The following SLC44A3 variants were observed in gnomAD, a reference collection of about 807,000 sequenced individuals.
SLC44A3 encodes the protein choline transporter-like protein 3.
SLC44A3 carries 74 observed loss-of-function variants against 75.4 expected under a neutral mutation model. That is an observed-to-expected ratio of 0.98 (90% confidence interval 0.81 to 1.19). The LOEUF (loss-of-function observed/expected upper bound fraction) is 1.19, where lower values mean the gene tolerates loss of function less well. Among genes scored for constraint, SLC44A3 ranks in the 50% most tolerant of loss-of-function variants. The probability of loss-of-function intolerance (pLI) is 0.00; values close to 1 mark genes in which losing one functional copy is unlikely to be tolerated. For synonymous variants in SLC44A3, 310 were observed against 296.9 expected (o/e 1.04, Z -0.45); for missense variants, 700 against 778.6 (o/e 0.90, Z 1.20).
chr1:94,837,175 G>C (rs947734092), intron 5 of SLC44A3, among the ~76,000 whole-genome samples: 1 of 152,178 alleles, frequency 6.6e-6, no homozygotes, highest in African/African-American at 2.4e-5. Context: ...CAGGGATGCA[G>C]GCAGGGGAAA....
chr1:94,823,003 T>C (rs1660823087), intron 2 of SLC44A3, among the ~76,000 whole-genome samples: 1 of 151,956 alleles, frequency 6.6e-6, no homozygotes, highest in African/African-American at 2.4e-5. Context: ...CTACAAAACA[T>C]AAAAAATAAT....
chr1:94,895,010 G>C lies in SLC44A3; in HGVS notation c.*88G>C. 2.8e-6 allele frequency: 3 copies of C among 1,057,642 alleles called. No homozygotes were observed. The highest frequency in any genetic ancestry group is 4.1e-6 in the Non-Finnish European group (3 of 734,958). 65.5% of individuals were successfully genotyped at this position (1,057,642 alleles called of 1,614,324 possible). ...AGATGAGACCACTAGAGAAAAGTTA[G>C]TGAATTTTTTTTTAAAAGACCTAAT... On this transcript the variant is annotated 3_prime_UTR_variant, in exon 15 of 15. Coordinates refer to ENST00000271227, the MANE Select transcript of SLC44A3 (RefSeq NM_001114106.3).
In SLC44A3 at chr1:94,842,445, CCT is replaced by C; in HGVS notation, c.885+322_885+323del. 1.3e-5 allele frequency among the ~76,000 whole-genome samples: 2 copies of C among 152,326 alleles called. 1 individual carries two copies. Among genetic ancestry groups the C allele is most frequent in the Admixed American group, 1.3e-4 (2 of 15,304 alleles). On this transcript the variant is annotated intron_variant, in intron 8 of 14. Coordinates refer to ENST00000271227, the MANE Select transcript of SLC44A3 (RefSeq NM_001114106.3). Reference sequence around the variant, plus strand: ...GGCAGGCTTACGGCAGTTCCCATTCCCTGTTTGTGAGGTGCGGCTCCCCTTTG... The same window carrying C: ...GGCAGGCTTACGGCAGTTCCCATTCCGTTTGTGAGGTGCGGCTCCCCTTTG...
rs144091401 is a variant in SLC44A3, at chr1:94,848,086, G to A, written c.1072+2622G>A. Reference sequence around the variant, plus strand: ...TACTAAAAATACAGAAAACTTAGCCGGGCGTGGTGGCGGGCGCCTATAGTC... The same window carrying A: ...TACTAAAAATACAGAAAACTTAGCCAGGCGTGGTGGCGGGCGCCTATAGTC... On this transcript the variant is annotated intron_variant, in intron 9 of 14. Coordinates refer to ENST00000271227, the MANE Select transcript of SLC44A3 (RefSeq NM_001114106.3). Among the ~76,000 whole-genome samples the A allele has an allele frequency of 2.6e-3, 399 of 152,238 alleles. 3 individuals are homozygous for A. The highest frequency in any genetic ancestry group is 9.2e-3 in the African/African-American group (380 of 41,530).
At chr1:94,820,534 C>G in intron 1 of SLC44A3, 56 bp downstream of exon 1, 1 of 1,475,712 alleles carries the variant, frequency 6.8e-7, no homozygotes, top group South Asian at 1.3e-5. Context: ...GGGTCGAGTC[C>G]CCCGCCTTCA....
chr1:94,824,953 A>G (rs1661103348), intron 3 of SLC44A3, among the ~76,000 whole-genome samples: 2 of 152,262 alleles, frequency 1.3e-5, no homozygotes, highest in Admixed American at 1.3e-4. Context: ...GAGACACTGC[A>G]TGAGCTAAAG....
In SLC44A3 at chr1:94,892,264, ACT is replaced by A. The variant is rs750987726; in HGVS notation, c.1621-14_1621-13del. On this transcript the variant is annotated splice_polypyrimidine_tract_variant and intron_variant, in intron 13 of 14. Transcript: ENST00000271227. ...ACTGATTCATAAAGATTTTCAACAA[ACT>A]CTTCTTTTGCACAGGTGTTAGTGGT... is the stretch of plus-strand genomic sequence containing the variant. 3.1e-6 allele frequency: 5 copies of A among 1,599,298 alleles called. No homozygotes were observed. In the Middle Eastern group the frequency reaches 5.0e-4, roughly 160 times the overall value.
At chr1:94,864,400 T>C (rs1666917500) in intron 10 of SLC44A3, among the ~76,000 whole-genome samples, 1 of 152,186 alleles carries the variant, frequency 6.6e-6, no homozygotes, top group Non-Finnish European at 1.5e-5. Flanking sequence ...AGTTAAACCT[T>C]GGAGATTGTG....
In SLC44A3 at chr1:94,870,807, G is replaced by A. The variant is rs116665157; in HGVS notation, c.1482+3390G>A. On this transcript the variant is annotated intron_variant, in intron 12 of 14. Coordinates refer to ENST00000271227, the MANE Select transcript of SLC44A3 (RefSeq NM_001114106.3). ...AAGTGATTCTCCTGCCTTATCCTCCGGAGTAGCTGGGACTACAGGCACATG... is the reference window on the plus strand; with the variant it reads ...AAGTGATTCTCCTGCCTTATCCTCCAGAGTAGCTGGGACTACAGGCACATG... Among the ~76,000 whole-genome samples the A allele has an allele frequency of 6.3e-3, 963 of 152,082 alleles. 7 individuals are homozygous for A. Among genetic ancestry groups the A allele is most frequent in the Non-Finnish European group, 8.9e-3 (606 of 67,954 alleles).
At chr1:94,860,745 A>G (rs960228534) in intron 10 of SLC44A3, among the ~76,000 whole-genome samples, 5 of 152,360 alleles carry the variant, frequency 3.3e-5, no homozygotes, top group African/African-American at 1.2e-4. Flanking sequence ...AGTCATGCAC[A>G]GGCAGTCCCA....
intron 7 of SLC44A3, among the ~76,000 whole-genome samples, chr1:94,841,707 C>T (rs1237736137): frequency 3.3e-5 from 5 of 152,188 alleles, no homozygotes; most frequent in Admixed American, 6.5e-5. Flanking sequence ...TCCTCCTGCT[C>T]GCATCCAGAC....
intron 10 of SLC44A3, among the ~76,000 whole-genome samples, chr1:94,859,838 A>G (rs1044971105): frequency 5.9e-5 from 9 of 152,200 alleles, no homozygotes; most frequent in African/African-American, 1.9e-4. Flanking sequence ...CTCATTTGAT[A>G]TTCCCTAGGA....
intron 11 of SLC44A3, among the ~76,000 whole-genome samples, chr1:94,866,394 A>G (rs1188814354): frequency 1.3e-5 from 2 of 152,180 alleles, no homozygotes; most frequent in Non-Finnish European, 2.9e-5. Context: ...AGATCCCACA[A>G]GGACCAAGGG....
intron 12 of SLC44A3, among the ~76,000 whole-genome samples, chr1:94,886,979 T>G (rs766270140): frequency 2.6e-5 from 4 of 152,048 alleles, no homozygotes; most frequent in Non-Finnish European, 5.9e-5. Context: ...GCACACTGAA[T>G]TTTGGGAATA....
At chr1:94,825,721 C>T (rs566775644) in intron 3 of SLC44A3, 1 of 387,644 alleles carries the variant, frequency 2.6e-6, no homozygotes, top group Non-Finnish European at 5.1e-6. Context: ...TTGGAGTCAC[C>T]AAATACAAAT....
intron 5 of SLC44A3, among the ~76,000 whole-genome samples, chr1:94,833,136 C>T (rs767550453): frequency 1.3e-5 from 2 of 152,100 alleles, no homozygotes; most frequent in Non-Finnish European, 1.5e-5. Context: ...TTATTCCTGC[C>T]CTCCTCTCCC....
At chr1:94,887,990 T>A (rs1023606416) in intron 12 of SLC44A3, among the ~76,000 whole-genome samples, 5 of 152,330 alleles carry the variant, frequency 3.3e-5, no homozygotes, top group Admixed American at 3.3e-4. Context: ...GATGTCTGGA[T>A]GATAATAACC....
At chr1:94,850,471 C>T (rs1048227809) in intron 9 of SLC44A3, among the ~76,000 whole-genome samples, 18 of 152,194 alleles carry the variant, frequency 1.2e-4, no homozygotes, top group African/African-American at 3.9e-4. Context: ...GTGGACTTCC[C>T]GCGAGGTCTG....
At chr1:94,865,697 TC>T (rs1158506425) in intron 11 of SLC44A3, among the ~76,000 whole-genome samples, 1 of 152,112 alleles carries the variant, frequency 6.6e-6, no homozygotes, top group African/African-American at 2.4e-5. Context: ...GTTAATCTCT[TC>T]CCCCGTCACC....
Sources: allele counts gnomAD v4.1 joint callset (sites outside exome capture counted in the v4.1 genomes callset), GRCh38; gene constraint gnomAD v4.1.1; transcripts MANE v1.5; gene names NCBI Gene and HGNC (gene_info 2026-07-23, HGNC 2026-07-21).